Variants in GPC6 observed in about 807,000 individuals in gnomAD.
GPC6 encodes the protein glypican 6, also known as glypican-6.
Under a neutral mutation model 55.2 loss-of-function variants are expected in GPC6, and 14 were observed. The observed-to-expected ratio is 0.25, with a 90% CI of 0.17 to 0.40. GPC6 has a LOEUF of 0.40. Among genes scored for constraint, GPC6 ranks in the 10% least tolerant of loss-of-function variants. The pLI, the probability that GPC6 is intolerant of heterozygous loss-of-function variation, is 1.00. For synonymous variants in GPC6, 278 were observed against 259.6 expected (o/e 1.07, Z -0.68); for missense variants, 641 against 708.5 (o/e 0.90, Z 1.08).
At chr13:93,776,447 A>G (rs1172087368) in intron 2 of GPC6, among the ~76,000 whole-genome samples, 5 of 152,028 alleles carry the variant, frequency 3.3e-5, no homozygotes, top group Admixed American at 3.3e-4. Context: ...TTGAACCCAC[A>G]CTCTCTTTTT....
intron 5 of GPC6, among the ~76,000 whole-genome samples, chr13:94,298,904 A>G (rs1875490183): frequency 6.6e-6 from 1 of 152,202 alleles, no homozygotes; most frequent in Admixed American, 6.5e-5. Flanking sequence ...TGTCTGTCCT[A>G]TCATAGACAC....
chr13:94,104,340 A>G (rs1228033895), intron 4 of GPC6, among the ~76,000 whole-genome samples: 1 of 152,138 alleles, frequency 6.6e-6, no homozygotes, highest in East Asian at 1.9e-4. Context: ...ACAGCTATAT[A>G]TGACAAACCC....
intron 2 of GPC6, among the ~76,000 whole-genome samples, chr13:93,759,533 A>C (rs1480124587): frequency 6.6e-6 from 1 of 152,220 alleles, no homozygotes; most frequent in Non-Finnish European, 1.5e-5. Flanking sequence ...CTACAAAATC[A>C]ATATAGCTTC....
intron 2 of GPC6, among the ~76,000 whole-genome samples, chr13:93,627,431 A>G (rs1879249393): frequency 6.6e-6 from 1 of 152,172 alleles, no homozygotes; most frequent in Non-Finnish European, 1.5e-5. Flanking sequence ...TTGTTAAACC[A>G]TGAGAAACTG....
At chr13:93,947,625 A>C (rs1271587717) in intron 3 of GPC6, among the ~76,000 whole-genome samples, 1 of 152,170 alleles carries the variant, frequency 6.6e-6, no homozygotes, top group Admixed American at 6.5e-5. Context: ...GCTGTAGAGG[A>C]GGGAGTACAC....
intron 4 of GPC6, among the ~76,000 whole-genome samples, chr13:94,236,793 G>T (rs147158512): frequency 4.6e-5 from 7 of 151,944 alleles, no homozygotes; most frequent in Non-Finnish European, 7.4e-5. Context: ...AAACTCTGAG[G>T]TAGAAAAAGT....
At chr13:93,399,061 G>GACACACAC (rs35212206) in intron 1 of GPC6, among the ~76,000 whole-genome samples, 6,985 of 150,728 alleles carry the variant, frequency 0.046, 200 homozygotes, top group Non-Finnish European at 0.057. Flanking sequence ...CACACACACA[G>GACACACAC]ACACACACAC....
At chr13:93,419,659 A>G (rs1485766548) in intron 1 of GPC6, among the ~76,000 whole-genome samples, 3 of 152,122 alleles carry the variant, frequency 2.0e-5, no homozygotes, top group Non-Finnish European at 4.4e-5. Flanking sequence ...TAACACAGTG[A>G]AGCCTCCTAT....
rs1885495090 is a variant in GPC6 at position 94,091,908 on chromosome 13, T to TGTGTG, written c.877+64014_877+64015insGTGTG. Among the ~76,000 whole-genome samples the TGTGTG allele has an allele frequency of 2.6e-4, 39 of 148,508 alleles. No individual in the cohort carries two copies. In the East Asian group the frequency reaches 5.6e-3, roughly 21 times the overall value. ...GAGATCAAATTCTGTGTGTGTGTGT[T>TGTGTG]TGTGTGTGTGTGTGTGTGTGTGTGT... On this transcript the variant is annotated intron_variant, in intron 4 of 8. Coordinates refer to ENST00000377047, the MANE Select transcript of GPC6 (RefSeq NM_005708.5).
intron 2 of GPC6, among the ~76,000 whole-genome samples, chr13:93,562,163 A>G (rs968620136): frequency 6.6e-6 from 1 of 152,042 alleles, no homozygotes; most frequent in Non-Finnish European, 1.5e-5. Flanking sequence ...CTTGTGATGC[A>G]TAATAAAATG....
At position 94,172,233 on chromosome 13, in the gene GPC6, C is replaced by CT. The variant is rs924426058; in HGVS notation, c.878-114106dup. On this transcript the variant is annotated intron_variant, in intron 4 of 8. Transcript: ENST00000377047. ...AAAACAAGTAAGATATCACTGAAAT[C>CT]TTTTTTTTTTCCCAAATAAAAATGC... Among the ~76,000 whole-genome samples, 746 of 149,094 alleles carry CT rather than the reference C, an allele frequency of 5.0e-3. 4 individuals carry two copies. Among genetic ancestry groups the CT allele is most frequent in the Non-Finnish European group, 8.5e-3 (572 of 67,034 alleles).
intron 3 of GPC6, among the ~76,000 whole-genome samples, chr13:93,987,710 AC>A (rs1009840939): frequency 6.6e-6 from 1 of 151,832 alleles, no homozygotes; most frequent in African/African-American, 2.4e-5. Context: ...AGACACTGTG[AC>A]CCCCCTTCTT....
intron 2 of GPC6, among the ~76,000 whole-genome samples, chr13:93,782,491 T>G (rs1484792530): frequency 6.6e-6 from 1 of 152,180 alleles, no homozygotes; most frequent in Non-Finnish European, 1.5e-5. Flanking sequence ...GATTTTTGAG[T>G]TTTTGAAAAA....
intron 4 of GPC6, among the ~76,000 whole-genome samples, chr13:94,276,124 A>G (rs1164335876): frequency 1.3e-5 from 2 of 152,244 alleles, no homozygotes; most frequent in Non-Finnish European, 2.9e-5. Flanking sequence ...ATTATGTACA[A>G]GGGTATTCAC....
chr13:94,369,937 A>G (rs1879464963), intron 6 of GPC6, among the ~76,000 whole-genome samples: 1 of 152,234 alleles, frequency 6.6e-6, no homozygotes, highest in South Asian at 2.1e-4. Flanking sequence ...TTAGCAGATC[A>G]TCAGCAATGC....
In GPC6 at chr13:93,450,338, G is replaced by A. The variant is rs372460837; in HGVS notation, c.161-94925G>A. ...CTTAGCAATACACTGGCTTCCTGATGTAATCTCATCACATGTTTTAATTAT... is the reference window on the plus strand; with the variant it reads ...CTTAGCAATACACTGGCTTCCTGATATAATCTCATCACATGTTTTAATTAT... On this transcript the variant is annotated intron_variant, in intron 1 of 8. Transcript: ENST00000377047. Among the ~76,000 whole-genome samples, 14 of 152,314 alleles carry A rather than the reference G, an allele frequency of 9.2e-5. No homozygotes were observed. In the East Asian group the frequency reaches 2.5e-3, roughly 27 times the overall value.
intron 2 of GPC6, among the ~76,000 whole-genome samples, chr13:93,718,942 A>G (rs905058825): frequency 1.3e-5 from 2 of 151,872 alleles, no homozygotes; most frequent in African/African-American, 4.8e-5. Context: ...ATTGTTCTAT[A>G]TATCTGTTTT....
intron 2 of GPC6, among the ~76,000 whole-genome samples, chr13:93,747,568 T>C (rs1048788011): frequency 9.9e-5 from 15 of 152,214 alleles, no homozygotes; most frequent in African/African-American, 3.6e-4. Context: ...GCCCAATCAA[T>C]GTGCTTTTGG....
intron 3 of GPC6, among the ~76,000 whole-genome samples, chr13:93,967,279 G>A (rs969349436): frequency 6.6e-6 from 1 of 152,172 alleles, no homozygotes; most frequent in Non-Finnish European, 1.5e-5. Context: ...AAGACAGACA[G>A]TACAAATGAA....
Sources: allele counts gnomAD v4.1 joint callset (sites outside exome capture counted in the v4.1 genomes callset), GRCh38; gene constraint gnomAD v4.1.1; transcripts MANE v1.5; gene names NCBI Gene and HGNC (gene_info 2026-07-23, HGNC 2026-07-21).